The following LCMT2 variants were observed in gnomAD, a reference collection of about 807,000 sequenced individuals.
LCMT2 encodes the protein tRNA wybutosine-synthesizing protein 4.
A neutral mutation model predicts 42.0 loss-of-function variants in LCMT2; 34 were observed. The observed-to-expected ratio is 0.81, with a 90% confidence interval of 0.62 to 1.08. The LOEUF is 1.08. Ranked by LOEUF, LCMT2 falls within the 50% of genes least tolerant of loss-of-function variation. LCMT2 has a pLI of 0.00. For synonymous variants in LCMT2, 445 were observed against 369.5 expected, an observed-to-expected ratio of 1.20 and a Z score of -2.34; for missense variants, 1,091 against 889.4, an observed-to-expected ratio of 1.23 and a Z score of -2.88.
In LCMT2 at chr15:43,329,763, G is replaced by T; in HGVS notation, c.727C>A (p.His243Asn). 1 of 1,613,712 alleles carries T rather than the reference G, an allele frequency of 6.2e-7. No individual in the cohort carries two copies. The highest frequency in any genetic ancestry group is 8.5e-7 in the Non-Finnish European group (1 of 1,180,032). Residue 243 changes from histidine to asparagine, a missense_variant, in exon 1 of 1, where the codon CAT (histidine) becomes AAT (asparagine). Physicochemically the swap from His to Asn is moderately conservative, Grantham distance 68. Coordinates refer to ENST00000305641, the MANE Select transcript of LCMT2 (RefSeq NM_014793.5). The part of the protein sequence containing the change: ...QHFRQLNSPL[H>N]GLERFPDVEA... ...ACGTCAGGAAAACGCTCCAGGCCAT[G>T]CAGGGGGGAGTTTAGCTGCCGAAAA...
At position 43,329,446 on chromosome 15, in the gene LCMT2, G is replaced by A. The variant is rs780360954; in HGVS notation, c.1044C>T (p.Ser348=). The A allele has an allele frequency of 6.2e-7, 1 of 1,614,148 alleles. No individual in the cohort carries two copies. The highest frequency in any genetic ancestry group is 1.7e-5 in the Admixed American group (1 of 60,028). The change falls in exon 1 of 1, where the codon AGC becomes AGT. Residue 348 remains serine (S), a synonymous_variant. Transcript: ENST00000305641. ...SGVFPASVVS[S]EGQVPNLKRY... Reference sequence around the variant, plus strand: ...TCTTCAGGTTTGGGACCTGGCCCTCGCTACTGACTACGCTGGCAGGGAATA... The same window carrying A: ...TCTTCAGGTTTGGGACCTGGCCCTCACTACTGACTACGCTGGCAGGGAATA...
In LCMT2 at chr15:43,329,951, G is replaced by A; in HGVS notation, c.539C>T (p.Ala180Val). 6.2e-7 allele frequency: 1 copy of A among 1,612,472 alleles called. No homozygotes were observed. The highest frequency in any genetic ancestry group is 8.5e-7 in the Non-Finnish European group (1 of 1,179,786). The change falls in exon 1 of 1, where the codon GCC becomes GTC. Residue 180 changes from alanine to valine, a missense_variant. Coordinates refer to ENST00000305641, the MANE Select transcript of LCMT2 (RefSeq NM_014793.5). ...CTCGGCCAGGAGCAGAGTGGGTGAG[G>A]CTGCGTCGAGCCCCGCGGCGCCCAG... The part of the protein sequence containing the change: ...EALGAAGLDA[A>V]SPTLLLAEAV...
Position 43,330,217 on chromosome 15 carries a change from G to A in LCMT2, c.273C>T (p.Gly91=). 1 of 1,611,146 alleles carries A rather than the reference G, an allele frequency of 6.2e-7. No homozygotes were observed. Among genetic ancestry groups the A allele is most frequent in the Non-Finnish European group, 8.5e-7 (1 of 1,179,772 alleles). The change falls in exon 1 of 1, where the codon GGC becomes GGT. Residue 91 remains glycine, a synonymous_variant. Coordinates refer to ENST00000305641, the MANE Select transcript of LCMT2 (RefSeq NM_014793.5). ...TTAAGCGAAAATAGAGCGAGTCGAA[G>A]CCAGCGCCGAGAGACAAGATCTGCG... ...LRAQILSLGA[G]FDSLYFRLKT... is the part of the protein sequence containing the mutation.
chr15:43,329,343 G>A lies in LCMT2; in HGVS notation c.1147C>T (p.His383Tyr). 2 of 1,614,118 alleles carry A rather than the reference G, an allele frequency of 1.2e-6. No individual in the cohort carries two copies. The highest frequency in any genetic ancestry group is 1.1e-5 in the South Asian group (1 of 91,086). Residue 383 changes from histidine to tyrosine, a missense_variant, in exon 1 of 1, where the codon CAC becomes TAC. By Grantham distance (83) the His-to-Tyr change is moderately conservative. Coordinates refer to ENST00000305641, the MANE Select transcript of LCMT2 (RefSeq NM_014793.5). ...AGGFGEQEGR[H>Y]CRVSQFHLLS... The stretch of plus-strand genomic sequence containing the variant: ...AAGTGAAACTGGCTCACTCGGCAGT[G>A]CCGCCCCTCCTGCTCTCCAAATCCT...
At position 43,325,048 on chromosome 15, in the gene LCMT2, A is replaced by G. The variant is rs959040865; in HGVS notation, c.*3381T>C. On this transcript the variant is annotated 3_prime_UTR_variant, in exon 1 of 1. Coordinates refer to ENST00000305641, the MANE Select transcript of LCMT2 (RefSeq NM_014793.5). ...GTTTTAAAACTCAGAAAGTACAAAA[A>G]GAAGCAACAGCACTGGCCTTGAAGA... is the stretch of plus-strand genomic sequence containing the variant. 1.3e-4 allele frequency: 12 copies of G among 95,800 alleles called. No individual in the cohort carries two copies. The highest frequency in any genetic ancestry group is 2.2e-4 in the Non-Finnish European group (10 of 45,030). 5.9% of individuals were successfully genotyped at this position (95,800 alleles called of 1,614,324 possible).
chr15:43,329,463 C>T lies in LCMT2; in HGVS notation c.1027G>A (p.Ala343Thr), dbSNP rs1566855686. The T allele has an allele frequency of 3.1e-6, 5 of 1,614,164 alleles. No individual in the cohort carries two copies. The highest frequency in any genetic ancestry group is 1.7e-5 in the Admixed American group (1 of 60,038). The change falls in exon 1 of 1, where the codon GCC becomes ACC. Residue 343 changes from alanine (A) to threonine (T), a missense_variant. Coordinates refer to ENST00000305641, the MANE Select transcript of LCMT2 (RefSeq NM_014793.5). Reference sequence around the variant, plus strand: ...TGGCCCTCGCTACTGACTACGCTGGCAGGGAATACCCCTGAAGGCGAAGCA... The same window carrying T: ...TGGCCCTCGCTACTGACTACGCTGGTAGGGAATACCCCTGAAGGCGAAGCA... ...NPASPSGVFP[A>T]SVVSSEGQVP... is the part of the protein sequence containing the mutation.
At position 43,329,679 on chromosome 15, in the gene LCMT2, T is replaced by A. The variant is rs756319124; in HGVS notation, c.811A>T (p.Met271Leu). Residue 271 changes from methionine (M) to leucine (L), a missense_variant, in exon 1 of 1, where the codon ATG becomes TTG. Coordinates refer to ENST00000305641, the MANE Select transcript of LCMT2 (RefSeq NM_014793.5). Reference sequence around the variant, plus strand: ...AGAAAGCAGTGATAGAATTCATTCATGTCCACGGCACCGCAGGCGGTCCAG... The same window carrying A: ...AGAAAGCAGTGATAGAATTCATTCAAGTCCACGGCACCGCAGGCGGTCCAG... Reference protein sequence around the residue: ...AGWTACGAVDMNEFYHCFLPA... With the variant: ...AGWTACGAVDLNEFYHCFLPA... 6.2e-7 allele frequency: 1 copy of A among 1,613,684 alleles called. No homozygotes were observed. Among genetic ancestry groups the A allele is most frequent in the South Asian group, 1.1e-5 (1 of 91,088 alleles).
chr15:43,329,732 G>A lies in LCMT2; in HGVS notation c.758C>T (p.Ala253Val), dbSNP rs754843025. Residue 253 changes from alanine (A) to valine (V), a missense_variant, in exon 1 of 1, where the codon GCG becomes GTG. Coordinates refer to ENST00000305641, the MANE Select transcript of LCMT2 (RefSeq NM_014793.5). ...AGCTTGAAGGAAGCGGCGCCGCTGC[G>A]CCTCCACGTCAGGAAAACGCTCCAG... ...HGLERFPDVEAQRRRFLQAGW... is the reference protein window; with the variant it reads ...HGLERFPDVEVQRRRFLQAGW... 3.1e-6 allele frequency: 5 copies of A among 1,613,256 alleles called. No homozygotes were observed. The highest frequency in any genetic ancestry group is 1.7e-5 in the Admixed American group (1 of 59,996).
rs779900187 is a variant in LCMT2 at position 43,329,686 on chromosome 15, G to A, written c.804C>T (p.Ala268=). The A allele has an allele frequency of 6.2e-7, 1 of 1,613,530 alleles. No individual in the cohort carries two copies. The highest frequency in any genetic ancestry group is 1.1e-5 in the South Asian group (1 of 91,086). The change falls in exon 1 of 1, where the codon GCC becomes GCT. Residue 268 remains alanine, a synonymous_variant. Coordinates refer to ENST00000305641, the MANE Select transcript of LCMT2 (RefSeq NM_014793.5). ...AGTGATAGAATTCATTCATGTCCAC[G>A]GCACCGCAGGCGGTCCAGCCAGCTT... ...FLQAGWTACG[A]VDMNEFYHCF...
rs2043128798 is a variant in LCMT2, at chr15:43,328,265, A to G, written c.*164T>C. On this transcript the variant is annotated 3_prime_UTR_variant, in exon 1 of 1. Transcript: ENST00000305641. ...TTTTCTGTAGTGATTGTTTCTAGGT[A>G]TTTTACCTATTTTACCAACCTTTTT... 1 of 689,416 alleles carries G rather than the reference A, an allele frequency of 1.5e-6. No homozygotes were observed. Among genetic ancestry groups the G allele is most frequent in the Non-Finnish European group, 2.4e-6 (1 of 418,002 alleles). 42.7% of individuals were successfully genotyped at this position (689,416 alleles called of 1,614,324 possible). A position where few individuals can be genotyped will look rare whatever the true frequency, so the allele number is the denominator to read the frequency against.
chr15:43,328,602 C>T lies in LCMT2; in HGVS notation c.1888G>A (p.Asp630Asn), dbSNP rs780692032. 1.4e-5 allele frequency: 23 copies of T among 1,614,176 alleles called. No individual in the cohort carries two copies. Among genetic ancestry groups the T allele is most frequent in the Non-Finnish European group, 1.9e-5 (22 of 1,180,028 alleles). The change falls in exon 1 of 1, where the codon GAC becomes AAC. Residue 630 changes from aspartate to asparagine, a missense_variant. Asp to Asn is a conservative substitution (Grantham distance 23). Transcript: ENST00000305641. ...AATGGCCATGGCACATATGTTGTGT[C>T]AATCTGATACTCAGAGCTCAATCCT... ...TTGLSSEYQI[D>N]TTYVPWPLML...
In LCMT2 at chr15:43,326,181, C is replaced by T. The variant is rs2043117433; in HGVS notation, c.*2248G>A. The stretch of plus-strand genomic sequence containing the variant: ...TGGGATCAAGGCATGTGCCACTGCG[C>T]CTGGCCTCATCACAGTGTTCTGCTT... On this transcript the variant is annotated 3_prime_UTR_variant, in exon 1 of 1. Coordinates refer to ENST00000305641, the MANE Select transcript of LCMT2 (RefSeq NM_014793.5). The T allele has an allele frequency of 6.6e-6, 1 of 151,342 alleles. No homozygotes were observed. The highest frequency in any genetic ancestry group is 1.5e-5 in the Non-Finnish European group (1 of 67,852). 9.4% of individuals were successfully genotyped at this position (151,342 alleles called of 1,614,324 possible).
Position 43,324,184 on chromosome 15 carries a change from T to C in LCMT2, c.*4245A>G, listed in dbSNP as rs1441946381. On this transcript the variant is annotated 3_prime_UTR_variant, in exon 1 of 1. Coordinates refer to ENST00000305641, the MANE Select transcript of LCMT2 (RefSeq NM_014793.5). ...CACACTCTCCTTCTCTCTTTAAACA[T>C]CAAGTCTAATGTGATTAGCCAAGTT... 1 of 152,228 alleles carries C rather than the reference T, an allele frequency of 6.6e-6. No homozygotes were observed. Among genetic ancestry groups the C allele is most frequent in the Non-Finnish European group, 1.5e-5 (1 of 68,046 alleles). The allele number at this position is 152,228 out of a possible 1,614,324, so 9.4% of individuals were successfully genotyped here.
Position 43,330,434 on chromosome 15 carries a change from C to T in LCMT2, c.56G>A (p.Ser19Asn), listed in dbSNP as rs931880277. The T allele has an allele frequency of 6.4e-7, 1 of 1,557,198 alleles. No individual in the cohort carries two copies. ...RAGAVQNTNDSSALSKRSLAA... is the reference protein window; with the variant it reads ...RAGAVQNTNDNSALSKRSLAA... ...CAGGGAACGCTTGCTGAGGGCGCTGCTGTCGTTGGTGTTCTGTACCGCGCC... is the reference window on the plus strand; with the variant it reads ...CAGGGAACGCTTGCTGAGGGCGCTGTTGTCGTTGGTGTTCTGTACCGCGCC... Residue 19 changes from serine (S) to asparagine (N), a missense_variant, in exon 1 of 1, where the codon AGC becomes AAC. Ser to Asn is a conservative substitution (Grantham distance 46). Transcript: ENST00000305641.
At position 43,329,868 on chromosome 15, in the gene LCMT2, G is replaced by C; in HGVS notation, c.622C>G (p.Gln208Glu). The C allele has an allele frequency of 6.2e-7, 1 of 1,613,592 alleles. No individual in the cohort carries two copies. Among genetic ancestry groups the C allele is most frequent in the Non-Finnish European group, 8.5e-7 (1 of 1,179,926 alleles). ...ACGAAAAGGGCATTAGGAAAACGCT[G>C]GGCTGCCCAGGCGATGAGGGCCGCG... ...SAAALIAWAA[Q>E]RFPNALFVVY... The change falls in exon 1 of 1, where the codon CAG becomes GAG. Residue 208 changes from glutamine to glutamate, a missense_variant. Coordinates refer to ENST00000305641, the MANE Select transcript of LCMT2 (RefSeq NM_014793.5).
At position 43,325,570 on chromosome 15, in the gene LCMT2, G is replaced by A. The variant is rs1430355332; in HGVS notation, c.*2859C>T. 1 of 152,164 alleles carries A rather than the reference G, an allele frequency of 6.6e-6. No homozygotes were observed. The highest frequency in any genetic ancestry group is 2.4e-5 in the African/African-American group (1 of 41,430). The allele number at this position is 152,164 out of a possible 1,614,324, so 9.4% of individuals were successfully genotyped here. ...TGGTAATCACTTATAGGAAATGTGG[G>A]TAATTTCTCTCGGGAGAACAAGCCC... On this transcript the variant is annotated 3_prime_UTR_variant, in exon 1 of 1. Coordinates refer to ENST00000305641, the MANE Select transcript of LCMT2 (RefSeq NM_014793.5).
rs1476403607 is a variant in LCMT2 at position 43,324,882 on chromosome 15, A to G, written c.*3547T>C. 1 of 152,186 alleles carries G rather than the reference A, an allele frequency of 6.6e-6. No individual in the cohort carries two copies. The highest frequency in any genetic ancestry group is 1.5e-5 in the Non-Finnish European group (1 of 68,056). The allele number at this position is 152,186 out of a possible 1,614,324, so 9.4% of individuals were successfully genotyped here. On this transcript the variant is annotated 3_prime_UTR_variant, in exon 1 of 1. Transcript: ENST00000305641. ...GTTTGTGATCACAAAATACATATGG[A>G]ATAAGCTAGGACTTCAAGGTCTGAG... is the stretch of plus-strand genomic sequence containing the variant.
In LCMT2 at chr15:43,326,902, T is replaced by C. The variant is rs867951877; in HGVS notation, c.*1527A>G. The C allele has an allele frequency of 2.0e-5, 3 of 152,376 alleles. No individual in the cohort carries two copies. The highest frequency in any genetic ancestry group is 6.8e-3 in the Middle Eastern group (2 of 294). 9.4% of individuals were successfully genotyped at this position (152,376 alleles called of 1,614,324 possible). A position where few individuals can be genotyped will look rare whatever the true frequency, so the allele number is the denominator to read the frequency against. On this transcript the variant is annotated 3_prime_UTR_variant, in exon 1 of 1. Transcript: ENST00000305641. ...GCAATTTGTCATCAATGATGGTTCA[T>C]AATAATCATTTAGGCACTTGTAGAA... is the stretch of plus-strand genomic sequence containing the variant.
At position 43,328,397 on chromosome 15, in the gene LCMT2, A is replaced by C. The variant is rs2043129933; in HGVS notation, c.*32T>G. The C allele has an allele frequency of 6.3e-7, 1 of 1,586,382 alleles. No homozygotes were observed. ...CTATTTGTGGAAAACTTTATTGTCT[A>C]CTTTAGTGGGTCCTGAATATTAGTC... is the stretch of plus-strand genomic sequence containing the variant. On this transcript the variant is annotated 3_prime_UTR_variant, in exon 1 of 1. Coordinates refer to ENST00000305641, the MANE Select transcript of LCMT2 (RefSeq NM_014793.5).
Sources: allele counts gnomAD v4.1 joint callset, GRCh38; gene constraint gnomAD v4.1.1; transcripts MANE v1.5; gene names NCBI Gene and HGNC (gene_info 2026-07-23, HGNC 2026-07-21).